Variants in UVRAG observed in about 807,000 individuals in gnomAD.
The protein encoded by UVRAG is UV radiation resistance-associated gene protein.
UVRAG carries 19 observed loss-of-function variants against 78.0 expected under a neutral mutation model. The ratio of observed to expected loss-of-function variants is 0.24; its 90% confidence interval spans 0.17 to 0.36. UVRAG has a LOEUF of 0.36. UVRAG is among the 10% of genes least tolerant of loss of function. The pLI is 1.00. For synonymous variants in UVRAG, 323 were observed against 324.6 expected (o/e 1.00, Z 0.05); for missense variants, 740 against 853.8 (o/e 0.87, Z 1.66).
intron 13 of UVRAG, among the ~76,000 whole-genome samples, chr11:76,106,848 A>G (rs1340554613): frequency 1.3e-5 from 2 of 152,194 alleles, no homozygotes; most frequent in Admixed American, 6.5e-5. Flanking sequence ...CAGCATGAAT[A>G]TCTACATTAA....
At chr11:75,864,021 C>CT (rs200790833) in intron 3 of UVRAG, among the ~76,000 whole-genome samples, 7 of 144,264 alleles carry the variant, frequency 4.9e-5, no homozygotes, top group South Asian at 2.2e-4. Context: ...GGCAAGGATT[C>CT]TTTTTTTTTC....
In UVRAG at chr11:76,140,976, T is replaced by G. The variant is rs1952711690; in HGVS notation, c.1663T>G (p.Leu555Val). The G allele has an allele frequency of 6.2e-7, 1 of 1,613,946 alleles. No homozygotes were observed. The highest frequency in any genetic ancestry group is 1.7e-5 in the Admixed American group (1 of 59,956). Residue 555 changes from leucine (L) to valine (V), a missense_variant, in exon 15 of 15, where the codon TTG becomes GTG. Leu to Val is a conservative substitution (Grantham distance 32). Coordinates refer to ENST00000356136, the MANE Select transcript of UVRAG (RefSeq NM_003369.4). The part of the protein sequence containing the change: ...TSLSSSLDTS[L>V]DFSKENKKKG... ...TCTATCCTCCTCCTTGGATACCTCC[T>G]TGGACTTCTCCAAAGAAAACAAGAA...
chr11:75,913,193 G>T (rs934568952), intron 6 of UVRAG, among the ~76,000 whole-genome samples: 2 of 152,194 alleles, frequency 1.3e-5, no homozygotes, highest in Non-Finnish European at 2.9e-5. Flanking sequence ...AGTAAAATGA[G>T]GCGTAGGGTA....
chr11:75,988,005 TG>T (rs1949534428), intron 8 of UVRAG, among the ~76,000 whole-genome samples: 1 of 152,252 alleles, frequency 6.6e-6, no homozygotes, highest in African/African-American at 2.4e-5. Context: ...CCCAAAGTGC[TG>T]CGATTACAGG....
At chr11:75,911,316 C>A in intron 5 of UVRAG, 1 of 169,836 alleles carries the variant, frequency 5.9e-6, no homozygotes. Flanking sequence ...GGCTCTTGTG[C>A]TAGCCCAAAG....
intron 12 of UVRAG, among the ~76,000 whole-genome samples, chr11:76,049,423 C>T (rs1202743917): frequency 6.6e-6 from 1 of 152,172 alleles, no homozygotes; most frequent in Non-Finnish European, 1.5e-5. Context: ...TGATGGTTTT[C>T]AGAGTGCCAG....
chr11:75,856,204 C>T (rs986427881), intron 2 of UVRAG, among the ~76,000 whole-genome samples: 5 of 151,838 alleles, frequency 3.3e-5, no homozygotes, highest in African/African-American at 4.8e-5. Flanking sequence ...TTTGTTTCAC[C>T]GTGTTAGCCA....
chr11:75,838,120 G>A (rs1945824806), intron 1 of UVRAG, among the ~76,000 whole-genome samples: 1 of 152,058 alleles, frequency 6.6e-6, no homozygotes, highest in Admixed American at 6.5e-5. Context: ...AGTAGATCTT[G>A]GAAATTATTC....
intron 6 of UVRAG, among the ~76,000 whole-genome samples, chr11:75,939,808 G>A (rs1224057936): frequency 4.6e-5 from 7 of 152,132 alleles, no homozygotes; most frequent in African/African-American, 1.7e-4. Flanking sequence ...ATAATTACTA[G>A]TATGCTGGTA....
chr11:76,063,317 A>G (rs890486852), intron 12 of UVRAG, among the ~76,000 whole-genome samples: 8 of 152,214 alleles, frequency 5.3e-5, no homozygotes, highest in Admixed American at 5.2e-4. Context: ...AACTGACCTA[A>G]GCCAGTTTGA....
chr11:75,893,911 C>G (rs923678911), intron 5 of UVRAG, among the ~76,000 whole-genome samples: 4 of 151,784 alleles, frequency 2.6e-5, no homozygotes, highest in African/African-American at 7.3e-5. Flanking sequence ...CTCTGAGTAG[C>G]AGGGATTATA....
intron 12 of UVRAG, among the ~76,000 whole-genome samples, chr11:76,053,968 C>CAA (rs11390273): frequency 0.014 from 1,760 of 123,434 alleles, 23 homozygotes; most frequent in South Asian, 0.017. Flanking sequence ...GACTCCATCT[C>CAA]AAAAAAAAAA....
chr11:76,017,822 A>G (rs1325015145), intron 12 of UVRAG, among the ~76,000 whole-genome samples: 1 of 152,202 alleles, frequency 6.6e-6, no homozygotes, highest in Non-Finnish European at 1.5e-5. Context: ...CAAAATAAAG[A>G]TATTTCAGAC....
At chr11:75,817,295 G>A (rs1333834327) in intron 1 of UVRAG, among the ~76,000 whole-genome samples, 1 of 152,166 alleles carries the variant, frequency 6.6e-6, no homozygotes, top group Non-Finnish European at 1.5e-5. Context: ...GTGGGATTAG[G>A]AAAGAGAAAG....
chr11:75,947,035 T>G (rs1251685833), intron 6 of UVRAG, among the ~76,000 whole-genome samples: 1 of 152,172 alleles, frequency 6.6e-6, no homozygotes, highest in Non-Finnish European at 1.5e-5. Flanking sequence ...CTTTCCTTCT[T>G]GCATGCGTGT....
In UVRAG at chr11:75,959,026, A is replaced by G. The variant is rs564259825; in HGVS notation, c.594-2418A>G. ...AGAGTCCTAAAATATTCATAAAACCATGCTGTAAACAGATACATTGTCATC... is the reference window on the plus strand; with the variant it reads ...AGAGTCCTAAAATATTCATAAAACCGTGCTGTAAACAGATACATTGTCATC... On this transcript the variant is annotated intron_variant, in intron 6 of 14. Transcript: ENST00000356136. Among the ~76,000 whole-genome samples, 4 of 152,298 alleles carry G rather than the reference A, an allele frequency of 2.6e-5. No individual in the cohort carries two copies. The East Asian group carries it at 5.8e-4, about 22-fold the overall frequency.
rs555681579 is a variant in UVRAG at position 76,030,138 on chromosome 11, T to C, written c.1226+13158T>C. ...TAAAACATAATGCTATTTTCATATA[T>C]ACTGGGAAACAAAAAAAAAACTGTA... On this transcript the variant is annotated intron_variant, in intron 12 of 14. Transcript: ENST00000356136. 4.6e-5 allele frequency among the ~76,000 whole-genome samples: 7 copies of C among 152,070 alleles called. No individual in the cohort carries two copies. In the East Asian group the frequency reaches 1.3e-3, roughly 29 times the overall value.
chr11:75,861,255 A>G (rs1946415331), intron 2 of UVRAG, among the ~76,000 whole-genome samples: 1 of 152,240 alleles, frequency 6.6e-6, no homozygotes, highest in South Asian at 2.1e-4. Context: ...AGGTAGAAGT[A>G]GGACTTAAGT....
At chr11:76,004,199 C>T (rs2135334788) in intron 9 of UVRAG, 110 bp downstream of exon 9, 1 of 985,382 alleles carries the variant, frequency 1.0e-6, no homozygotes, top group Non-Finnish European at 1.6e-6. Context: ...GCCCATATAC[C>T]TCAGTACCAC....
Sources: gnomAD v4.1 joint callset for allele counts (sites outside exome capture counted in the v4.1 genomes callset) on GRCh38, gnomAD v4.1.1 for gene constraint, MANE v1.5 for transcripts, NCBI Gene and HGNC (gene_info 2026-07-23, HGNC 2026-07-21) for gene names.